CNTNAP2: variants seen among roughly 807,000 people sequenced by gnomAD.
CNTNAP2 encodes the protein contactin associated protein 2.
In CNTNAP2, 98 loss-of-function variants were observed where a neutral mutation model predicts 155.2. The observed-to-expected ratio is 0.63, with a 90% CI of 0.54 to 0.75. The LOEUF is 0.75. CNTNAP2 is among the 30% of genes least tolerant of loss of function. The pLI is 0.00. For synonymous variants in CNTNAP2, 651 were observed against 631.2 expected (o/e 1.03, Z -0.47); for missense variants, 1,727 against 1,688.1 (o/e 1.02, Z -0.40).
At chr7:146,671,567 G>C (rs193187182) in intron 1 of CNTNAP2, among the ~76,000 whole-genome samples, 4 of 152,048 alleles carry the variant, frequency 2.6e-5, no homozygotes, top group African/African-American at 9.7e-5. Flanking sequence ...ATTTCTGTGG[G>C]TTCTTAACTT....
chr7:146,755,323 G>T (rs1352202993), intron 1 of CNTNAP2, among the ~76,000 whole-genome samples: 1 of 152,010 alleles, frequency 6.6e-6, no homozygotes, highest in East Asian at 1.9e-4. Flanking sequence ...GGACTCAAAA[G>T]TGTATGTGTG....
At position 147,090,017 on chromosome 7, in the gene CNTNAP2, G is replaced by A. The variant is rs555928450; in HGVS notation, c.551-18130G>A. 2.3e-4 allele frequency among the ~76,000 whole-genome samples: 35 copies of A among 152,234 alleles called. No individual in the cohort carries two copies. The South Asian group carries it at 6.9e-3, about 30-fold the overall frequency. ...CTTTCACTTTATGTCTCTACAGTTT[G>A]CTCTCTTCCTCACTGGGGAGAAAAT... On this transcript the variant is annotated intron_variant, in intron 4 of 23. Transcript: ENST00000361727.
intron 21 of CNTNAP2, among the ~76,000 whole-genome samples, chr7:148,301,218 C>T (rs1020036883): frequency 1.1e-4 from 16 of 150,658 alleles, no homozygotes; most frequent in Non-Finnish European, 1.6e-4. Flanking sequence ...CACTGGAACC[C>T]GGGATGCGGA....
intron 13 of CNTNAP2, among the ~76,000 whole-genome samples, chr7:147,763,277 A>G (rs995099830): frequency 6.6e-6 from 1 of 151,944 alleles, no homozygotes; most frequent in African/African-American, 2.4e-5. Context: ...AAAAAGAAAA[A>G]AAAAAAGAAT....
chr7:146,775,594 G>T (rs1010181574), intron 2 of CNTNAP2, among the ~76,000 whole-genome samples: 1 of 149,362 alleles, frequency 6.7e-6, no homozygotes, highest in Non-Finnish European at 1.5e-5. Context: ...GAGGGAGAGA[G>T]GAAGGAAGAA....
In CNTNAP2 at chr7:147,351,673, GC is replaced by G. The variant is rs1395253120; in HGVS notation, c.1499-43931del. Among the ~76,000 whole-genome samples, 5 of 151,746 alleles carry G rather than the reference GC, an allele frequency of 3.3e-5. No individual in the cohort carries two copies. The East Asian group carries it at 9.7e-4, about 29-fold the overall frequency. On this transcript the variant is annotated intron_variant, in intron 9 of 23. Transcript: ENST00000361727. ...CATGAGTTTAGAAACTCATGATTTT[GC>G]CCCCTCCTTTAAAAATCAGTTAATC...
chr7:146,741,790 T>C (rs757138009), intron 1 of CNTNAP2, among the ~76,000 whole-genome samples: 14 of 152,072 alleles, frequency 9.2e-5, no homozygotes, highest in Non-Finnish European at 1.9e-4. Context: ...GAGATGAAAG[T>C]GATCCAGATG....
intron 8 of CNTNAP2, among the ~76,000 whole-genome samples, chr7:147,225,050 A>G (rs764880063): frequency 6.6e-6 from 1 of 152,206 alleles, no homozygotes. Flanking sequence ...AGACTTAGTG[A>G]CTTGAATTAA....
chr7:146,295,956 C>T (rs1023727400), intron 1 of CNTNAP2, among the ~76,000 whole-genome samples: 3 of 151,812 alleles, frequency 2.0e-5, no homozygotes, highest in Admixed American at 2.0e-4. Context: ...AAGCTGTCCT[C>T]ACAGGGTTAG....
chr7:148,144,742 A>G lies in CNTNAP2; in HGVS notation c.2555-2749A>G, dbSNP rs150871668. ...CTGGAAATGAGAATTTGTTCGGTAT[A>G]TAAGAAATTCCTTTTTCACAGGCAG... On this transcript the variant is annotated intron_variant, in intron 16 of 23. Coordinates refer to ENST00000361727, the MANE Select transcript of CNTNAP2 (RefSeq NM_014141.6). Among the ~76,000 whole-genome samples, 32 of 152,326 alleles carry G rather than the reference A, an allele frequency of 2.1e-4. No individual in the cohort carries two copies. The East Asian group carries it at 4.1e-3, about 19-fold the overall frequency.
intron 8 of CNTNAP2, among the ~76,000 whole-genome samples, chr7:147,210,294 G>T (rs1371454077): frequency 6.6e-6 from 1 of 151,904 alleles, no homozygotes; most frequent in East Asian, 1.9e-4. Context: ...TTTGTTAAGG[G>T]TTTCAGTTCC....
chr7:146,701,854 A>G (rs1230768272), intron 1 of CNTNAP2, among the ~76,000 whole-genome samples: 1 of 152,196 alleles, frequency 6.6e-6, no homozygotes, highest in African/African-American at 2.4e-5. Flanking sequence ...TTCAATCAAT[A>G]CACAATGCAA....
chr7:147,830,472 A>G, intron 13 of CNTNAP2, among the ~76,000 whole-genome samples: 1 of 152,150 alleles, frequency 6.6e-6, no homozygotes, highest in Non-Finnish European at 1.5e-5. Context: ...AGATTTCAGC[A>G]TATTAATTTG....
intron 20 of CNTNAP2, among the ~76,000 whole-genome samples, chr7:148,262,289 G>A (rs184466388): frequency 6.6e-6 from 1 of 152,278 alleles, no homozygotes; most frequent in East Asian, 1.9e-4. Context: ...GAAATTGCCG[G>A]GAGAAAGAGA....
chr7:147,803,436 G>A (rs778181752), intron 13 of CNTNAP2, among the ~76,000 whole-genome samples: 5 of 152,152 alleles, frequency 3.3e-5, no homozygotes, highest in Non-Finnish European at 7.3e-5. Flanking sequence ...GGCACCGCAG[G>A]GAAAAGGTTA....
At chr7:146,494,773 A>T (rs1797189661) in intron 1 of CNTNAP2, among the ~76,000 whole-genome samples, 1 of 152,236 alleles carries the variant, frequency 6.6e-6, no homozygotes, top group Admixed American at 6.5e-5. Context: ...CCTTTAAAAG[A>T]TGGAATGCTT....
At chr7:148,061,920 T>TAA (rs1474883930) in intron 15 of CNTNAP2, among the ~76,000 whole-genome samples, 8,471 of 125,280 alleles carry the variant, frequency 0.068, 562 homozygotes, top group East Asian at 0.15. Flanking sequence ...GATAAACAGA[T>TAA]ATAGATAGAT....
chr7:146,953,460 A>T (rs1295128768), intron 3 of CNTNAP2, among the ~76,000 whole-genome samples: 1 of 151,960 alleles, frequency 6.6e-6, no homozygotes, highest in Non-Finnish European at 1.5e-5. Flanking sequence ...TACATAAATT[A>T]TTGCATTTGT....
chr7:147,482,617 AG>A (rs1798441108), intron 10 of CNTNAP2, among the ~76,000 whole-genome samples: 1 of 151,984 alleles, frequency 6.6e-6, no homozygotes, highest in African/African-American at 2.4e-5. Context: ...GCTGCTCGGG[AG>A]GCTGAGGCAG....
Sources: allele counts gnomAD v4.1 joint callset (sites outside exome capture counted in the v4.1 genomes callset), GRCh38; gene constraint gnomAD v4.1.1; transcripts MANE v1.5; gene names NCBI Gene and HGNC (gene_info 2026-07-23, HGNC 2026-07-21).